The following PDE7A variants were observed in gnomAD, a reference collection of about 807,000 sequenced individuals.
The protein encoded by PDE7A is phosphodiesterase 7A.
A neutral mutation model predicts 64.3 loss-of-function variants in PDE7A; 39 were observed. That is an observed-to-expected ratio of 0.61 (90% CI 0.47 to 0.79). PDE7A has a LOEUF of 0.79. Ranked by LOEUF, PDE7A falls within the 30% of genes least tolerant of loss-of-function variation. The pLI is 0.00. For missense variants in PDE7A, 470 were observed against 582.8 expected (o/e 0.81, Z 1.99); for synonymous variants, 203 against 206.8 (o/e 0.98, Z 0.16).
At chr8:65,834,264 A>G (rs886330346) in intron 1 of PDE7A, among the ~76,000 whole-genome samples, 2 of 152,212 alleles carry the variant, frequency 1.3e-5, no homozygotes, top group African/African-American at 4.8e-5. Context: ...CTTAATGAAT[A>G]GCAAACTCTT....
intron 3 of PDE7A, among the ~76,000 whole-genome samples, chr8:65,768,180 G>C (rs1011549150): frequency 6.6e-6 from 1 of 152,216 alleles, no homozygotes; most frequent in Non-Finnish European, 1.5e-5. Flanking sequence ...AACACAGTTT[G>C]AGGGTTTTTC....
rs1165213498 is a variant in PDE7A, at chr8:65,718,667, G to A, written c.*623C>T. 3 of 152,752 alleles carry A rather than the reference G, an allele frequency of 2.0e-5. No individual in the cohort carries two copies. The highest frequency in any genetic ancestry group is 4.4e-5 in the Non-Finnish European group (3 of 68,446). 9.5% of individuals were successfully genotyped at this position (152,752 alleles called of 1,614,324 possible). ...TTCCAGTGCATGAAATAAAACTATA[G>A]CAAATGGGAGGCTTTGGTGGCATCC... On this transcript the variant is annotated 3_prime_UTR_variant, in exon 13 of 13. Coordinates refer to ENST00000401827, the MANE Select transcript of PDE7A (RefSeq NM_001242318.3).
At chr8:65,732,219 A>G (rs1214662698) in intron 7 of PDE7A, among the ~76,000 whole-genome samples, 1 of 151,822 alleles carries the variant, frequency 6.6e-6, no homozygotes, top group African/African-American at 2.4e-5. Flanking sequence ...GGCTGGTCAC[A>G]AACTCCTGAC....
In PDE7A at chr8:65,784,424, T is replaced by C. The variant is rs150184685; in HGVS notation, c.139-1581A>G. 6.7e-3 allele frequency among the ~76,000 whole-genome samples: 1,018 copies of C among 152,224 alleles called. 11 individuals are homozygous for C. Among genetic ancestry groups the C allele is most frequent in the African/African-American group, 0.024 (977 of 41,526 alleles). ...GGTGCTATCTAGAAAAACATAAAGC[T>C]ATATTATTACCTTCCTGCTCCAAAA... On this transcript the variant is annotated intron_variant, in intron 1 of 12. Transcript: ENST00000401827.
chr8:65,797,003 T>C (rs185929113), intron 1 of PDE7A, among the ~76,000 whole-genome samples: 6 of 152,288 alleles, frequency 3.9e-5, no homozygotes, highest in Admixed American at 3.3e-4. Flanking sequence ...AAGTTTGATA[T>C]TAAAAAAATC....
intron 1 of PDE7A, among the ~76,000 whole-genome samples, chr8:65,806,253 C>T (rs1027443287): frequency 2.0e-5 from 3 of 151,980 alleles, no homozygotes; most frequent in Admixed American, 6.6e-5. Context: ...TAACTTAATT[C>T]TTGGACACTT....
chr8:65,770,085 ATTG>A (rs1228821755), intron 3 of PDE7A, among the ~76,000 whole-genome samples: 3 of 151,474 alleles, frequency 2.0e-5, no homozygotes, highest in Admixed American at 6.6e-5. Flanking sequence ...TCAGATATGC[ATTG>A]TTAACATTTG....
rs1806949305 is a variant in PDE7A, at chr8:65,732,667, C to T, written c.696+2127G>A. Among the ~76,000 whole-genome samples the T allele has an allele frequency of 2.6e-5, 4 of 152,314 alleles. No homozygotes were observed. In the South Asian group the frequency reaches 8.3e-4, roughly 32 times the overall value. On this transcript the variant is annotated intron_variant, in intron 7 of 12. Transcript: ENST00000401827. ...TAGCTGGGACCACAGGTACACACCACCATGCCCATCTAACTTTTTATTTTT... is the reference window on the plus strand; with the variant it reads ...TAGCTGGGACCACAGGTACACACCATCATGCCCATCTAACTTTTTATTTTT...
At position 65,715,166 on chromosome 8, in the gene PDE7A, AAG is replaced by A. The variant is rs1191745271; in HGVS notation, c.*4122_*4123del. The stretch of plus-strand genomic sequence containing the variant: ...TGTAATATTTACTTGCTTTTTAAAA[AAG>A]TAATCTTTTAAATATTTAACTGTTT... On this transcript the variant is annotated 3_prime_UTR_variant, in exon 13 of 13. Transcript: ENST00000401827. Among the ~76,000 whole-genome samples, 6 of 152,152 alleles carry A rather than the reference AAG, an allele frequency of 3.9e-5. No homozygotes were observed. The highest frequency in any genetic ancestry group is 1.4e-4 in the African/African-American group (6 of 41,436).
intron 1 of PDE7A, among the ~76,000 whole-genome samples, chr8:65,820,058 A>G (rs1810504979): frequency 6.6e-6 from 1 of 152,268 alleles, no homozygotes; most frequent in South Asian, 2.1e-4. Context: ...ATAAAATGTT[A>G]TCTTATTATG....
chr8:65,750,804 TA>T (rs200469728), intron 3 of PDE7A, among the ~76,000 whole-genome samples: 1 of 149,162 alleles, frequency 6.7e-6, no homozygotes, highest in Admixed American at 6.7e-5. Context: ...TCCTTAACTG[TA>T]AAAAAAAAAT....
intron 3 of PDE7A, 120 bp downstream of exon 3, chr8:65,779,596 TTTTA>T: frequency 1.8e-6 from 1 of 563,228 alleles, no homozygotes. Flanking sequence ...ATGACCTAGG[TTTTA>T]AAAACATTCC....
At position 65,754,189 on chromosome 8, in the gene PDE7A, C is replaced by G. The variant is rs376235842; in HGVS notation, c.284-6386G>C. ...GGAAGCTAGGCCAGTCTAGTCTTTC[C>G]ATGTTTTTCTGCTTGCTTTATAGTC... On this transcript the variant is annotated intron_variant, in intron 3 of 12. Coordinates refer to ENST00000401827, the MANE Select transcript of PDE7A (RefSeq NM_001242318.3). Among the ~76,000 whole-genome samples, 12 of 152,116 alleles carry G rather than the reference C, an allele frequency of 7.9e-5. No homozygotes were observed. In the East Asian group the frequency reaches 1.2e-3, roughly 15 times the overall value.
chr8:65,779,038 G>T (rs1002005659), intron 3 of PDE7A, among the ~76,000 whole-genome samples: 7 of 152,154 alleles, frequency 4.6e-5, no homozygotes, highest in Non-Finnish European at 8.8e-5. Context: ...AAGAAAAGTG[G>T]CCTGAAGTTC....
At chr8:65,751,009 A>G (rs979047980) in intron 3 of PDE7A, among the ~76,000 whole-genome samples, 2 of 152,244 alleles carry the variant, frequency 1.3e-5, no homozygotes, top group African/African-American at 4.8e-5. Context: ...ACCTTCACTT[A>G]ATGATATAGG....
chr8:65,740,508 C>G (rs1448010354), intron 5 of PDE7A, among the ~76,000 whole-genome samples: 3 of 152,160 alleles, frequency 2.0e-5, no homozygotes, highest in Non-Finnish European at 4.4e-5. Context: ...TCAAGCGATT[C>G]TCCTGCCTCA....
chr8:65,794,115 T>C (rs1385245621), intron 1 of PDE7A, among the ~76,000 whole-genome samples: 1 of 152,140 alleles, frequency 6.6e-6, no homozygotes, highest in Non-Finnish European at 1.5e-5. Context: ...TCATGACAAA[T>C]TTTTGTACTA....
rs563987565 is a variant in PDE7A, at chr8:65,797,241, A to G, written c.139-14398T>C. On this transcript the variant is annotated intron_variant, in intron 1 of 12. Transcript: ENST00000401827. ...TGCCTGTAAATGTGACCTCATTTGGAAACAGGTTTTTGCAAATGTAATCAA... is the reference window on the plus strand; with the variant it reads ...TGCCTGTAAATGTGACCTCATTTGGGAACAGGTTTTTGCAAATGTAATCAA... Among the ~76,000 whole-genome samples the G allele has an allele frequency of 3.3e-5, 5 of 152,302 alleles. No homozygotes were observed. The South Asian group carries it at 1.0e-3, about 32-fold the overall frequency.
intron 1 of PDE7A, among the ~76,000 whole-genome samples, chr8:65,787,004 G>A (rs890618646): frequency 8.5e-5 from 13 of 152,154 alleles, no homozygotes; most frequent in Non-Finnish European, 1.9e-4. Context: ...TTGACTTGAA[G>A]GTAAATGATA....
Sources: gnomAD v4.1 joint callset for allele counts (sites outside exome capture counted in the v4.1 genomes callset) on GRCh38, gnomAD v4.1.1 for gene constraint, MANE v1.5 for transcripts, NCBI Gene and HGNC (gene_info 2026-07-23, HGNC 2026-07-21) for gene names.